The following GPM6A variants were observed in gnomAD, a reference collection of about 807,000 sequenced individuals.
GPM6A encodes the protein glycoprotein M6A, also known as neuronal membrane glycoprotein M6-a.
Under a neutral mutation model 32.1 loss-of-function variants are expected in GPM6A, and 7 were observed. The ratio of observed to expected loss-of-function variants is 0.22; its 90% CI spans 0.12 to 0.41. GPM6A has a LOEUF of 0.41. GPM6A is among the 10% of genes least tolerant of loss of function. The pLI is 1.00. For synonymous variants in GPM6A, 130 were observed against 123.4 expected, an observed-to-expected ratio of 1.05 and a Z score of -0.35; for missense variants, 235 against 347.2, an observed-to-expected ratio of 0.68 and a Z score of 2.57.
At chr4:175,715,018 T>A (rs1028590153) in intron 1 of GPM6A, among the ~76,000 whole-genome samples, 7 of 151,108 alleles carry the variant, frequency 4.6e-5, no homozygotes, top group Non-Finnish European at 8.8e-5. Flanking sequence ...AAAAACTAGC[T>A]TGAATTCCAT....
At chr4:175,914,807 G>A (rs1057177143) in intron 1 of GPM6A, among the ~76,000 whole-genome samples, 2 of 152,070 alleles carry the variant, frequency 1.3e-5, no homozygotes, top group Non-Finnish European at 2.9e-5. Context: ...CAAAAGGAAA[G>A]GTAGTTTTTT....
At chr4:175,853,684 T>C (rs1047178014) in intron 1 of GPM6A, among the ~76,000 whole-genome samples, 1 of 151,922 alleles carries the variant, frequency 6.6e-6, no homozygotes, top group Non-Finnish European at 1.5e-5. Flanking sequence ...GAAAGGAAAA[T>C]ACCCAACAAA....
chr4:175,927,461 C>T (rs1356983276), intron 1 of GPM6A, among the ~76,000 whole-genome samples: 1 of 152,250 alleles, frequency 6.6e-6, no homozygotes, highest in African/African-American at 2.4e-5. Flanking sequence ...GGCCTGTGGC[C>T]TTGCACAATG....
chr4:175,894,698 AC>A (rs1186756565), intron 1 of GPM6A, among the ~76,000 whole-genome samples: 7 of 152,108 alleles, frequency 4.6e-5, no homozygotes, highest in Admixed American at 3.3e-4. Flanking sequence ...AACCACAGAA[AC>A]CCCTCAAAAA....
At chr4:175,964,386 T>C (rs1363272472) in intron 1 of GPM6A, among the ~76,000 whole-genome samples, 1 of 152,124 alleles carries the variant, frequency 6.6e-6, no homozygotes, top group Non-Finnish European at 1.5e-5. Context: ...ATACCATTAC[T>C]ATACTATATT....
intron 3 of GPM6A, 122 bp downstream of exon 3, chr4:175,673,550 AGATAGCAT>A: frequency 1.8e-6 from 1 of 561,504 alleles, no homozygotes; most frequent in Non-Finnish European, 3.1e-6. Context: ...TCAAGATTTA[AGATAGCAT>A]CACAGAAGGA....
At chr4:175,769,021 G>A (rs900566397) in intron 1 of GPM6A, among the ~76,000 whole-genome samples, 1 of 152,080 alleles carries the variant, frequency 6.6e-6, no homozygotes, top group African/African-American at 2.4e-5. Context: ...CTTGAACCCG[G>A]GAGGTGGAGG....
At chr4:175,899,199 T>C (rs1179982123) in intron 1 of GPM6A, among the ~76,000 whole-genome samples, 1 of 152,242 alleles carries the variant, frequency 6.6e-6, no homozygotes, top group Admixed American at 6.5e-5. Context: ...TGTAATTTTG[T>C]ATTTATTTGC....
chr4:175,768,907 C>A (rs1733080299), intron 1 of GPM6A, among the ~76,000 whole-genome samples: 2 of 152,006 alleles, frequency 1.3e-5, no homozygotes, highest in Admixed American at 1.3e-4. Context: ...ACCAGCCTGG[C>A]CAACAAGGTG....
At chr4:175,865,711 T>A (rs542476296) in intron 1 of GPM6A, among the ~76,000 whole-genome samples, 4 of 143,942 alleles carry the variant, frequency 2.8e-5, no homozygotes, top group African/African-American at 9.8e-5. Flanking sequence ...TTTTTGAGAC[T>A]TTTTTTCTTA....
At chr4:175,812,333 T>G (rs1484756852), upstream of GPM6A, 5 of 1,347,274 alleles carry the variant, frequency 3.7e-6, no homozygotes, top group African/African-American at 8.5e-5. Flanking sequence ...TTTTTTTTTT[T>G]TTTTTTTCCT....
At chr4:175,775,064 G>A (rs994938777) in intron 1 of GPM6A, among the ~76,000 whole-genome samples, 4 of 152,024 alleles carry the variant, frequency 2.6e-5, no homozygotes, top group African/African-American at 9.7e-5. Context: ...TTTTTAGCGT[G>A]TAAAGTCTAC....
intron 1 of GPM6A, among the ~76,000 whole-genome samples, chr4:175,971,270 GA>G (rs146658517): frequency 0.13 from 16,536 of 131,838 alleles, 955 homozygotes; most frequent in South Asian, 0.26. Context: ...TATCTTCCGT[GA>G]AAAAAAAAAA....
At chr4:175,868,329 C>T (rs1287591643) in intron 1 of GPM6A, among the ~76,000 whole-genome samples, 15 of 152,110 alleles carry the variant, frequency 9.9e-5, no homozygotes, top group Admixed American at 9.8e-4. Context: ...GGAACCCAGT[C>T]CTTTATTGTT....
intron 1 of GPM6A, among the ~76,000 whole-genome samples, chr4:175,999,808 C>T (rs913854583): frequency 3.3e-5 from 5 of 152,128 alleles, no homozygotes; most frequent in African/African-American, 4.8e-5. Context: ...CATTCTCCTA[C>T]GCTGTTTTTC....
At chr4:175,760,655 A>G (rs556528893) in intron 1 of GPM6A, among the ~76,000 whole-genome samples, 3 of 152,194 alleles carry the variant, frequency 2.0e-5, no homozygotes, top group African/African-American at 4.8e-5. Flanking sequence ...TACTCTTCAT[A>G]TAAACTGAAA....
chr4:175,755,280 A>G (rs995842448), intron 1 of GPM6A, among the ~76,000 whole-genome samples: 2 of 150,258 alleles, frequency 1.3e-5, no homozygotes, highest in Non-Finnish European at 3.0e-5. Context: ...AATGAAAAAA[A>G]ATAAACAAAT....
chr4:175,949,422 C>A (rs536552606), intron 1 of GPM6A, among the ~76,000 whole-genome samples: 25 of 152,178 alleles, frequency 1.6e-4, no homozygotes, highest in Non-Finnish European at 2.9e-4. Context: ...GCCTCAGCCT[C>A]CCGAAGTGCT....
chr4:175,738,935 AAACTCACAGCTT>A (rs1560906161), intron 1 of GPM6A, among the ~76,000 whole-genome samples: 1 of 152,180 alleles, frequency 6.6e-6, no homozygotes, highest in Non-Finnish European at 1.5e-5. Flanking sequence ...TCAGTTTTTA[AAACTCACAGCTT>A]AGTTTTGAAG....
Sources: gnomAD v4.1 joint callset for allele counts (sites outside exome capture counted in the v4.1 genomes callset) on GRCh38, gnomAD v4.1.1 for gene constraint, MANE v1.5 for transcripts, NCBI Gene and HGNC (gene_info 2026-07-23, HGNC 2026-07-21) for gene names.